The following PCDHA2 variants were observed in gnomAD, a reference collection of about 807,000 sequenced individuals.
PCDHA2 encodes the protein protocadherin alpha 2.
PCDHA2 carries 58 observed loss-of-function variants against 66.0 expected under a neutral mutation model. The ratio of observed to expected loss-of-function variants is 0.88; its 90% CI spans 0.71 to 1.09. The LOEUF (loss-of-function observed/expected upper bound fraction) is 1.09, where lower values mean the gene tolerates loss of function less well. Among genes scored for constraint, PCDHA2 ranks in the 50% least tolerant of loss-of-function variants. The pLI is 0.00. For synonymous variants in PCDHA2, 634 were observed against 554.0 expected (o/e 1.14, Z -2.03); for missense variants, 1,267 against 1,242.3 (o/e 1.02, Z -0.30).
In PCDHA2 at chr5:140,858,149, G is replaced by A. The variant is rs782725386; in HGVS notation, c.2388+60797G>A. The A allele has an allele frequency of 1.5e-5, 24 of 1,597,456 alleles. 4 individuals carry two copies. The highest frequency in any genetic ancestry group is 1.3e-4 in the African/African-American group (10 of 74,378). ...GGATGTCAACGTGTACCTGATCATC[G>A]CCATCTGCGCGGTGTCCAGCTTGCT... On this transcript the variant is annotated intron_variant, in intron 1 of 3. Transcript: ENST00000526136.
intron 1 of PCDHA2, among the ~76,000 whole-genome samples, chr5:140,896,683 C>T (rs2153454060): frequency 6.6e-6 from 1 of 152,068 alleles, no homozygotes; most frequent in South Asian, 2.1e-4. Context: ...GGCCCTTTGC[C>T]CATTTTTTGA....
chr5:140,817,766 AT>A (rs2150099006), intron 1 of PCDHA2, among the ~76,000 whole-genome samples: 8 of 152,166 alleles, frequency 5.3e-5, no homozygotes, highest in Non-Finnish European at 1.2e-4. Context: ...AGAAATTAAC[AT>A]TTCCTTTAGT....
chr5:140,849,915 A>G (rs1554143492), intron 1 of PCDHA2: 3 of 1,598,260 alleles, frequency 1.9e-6, no homozygotes, highest in Non-Finnish European at 2.6e-6. Flanking sequence ...GGGCTGCCAC[A>G]TCTTCACGGT....
At chr5:140,808,001 G>A (rs1361329408) in intron 1 of PCDHA2, 5 of 1,613,604 alleles carry the variant, frequency 3.1e-6, no homozygotes, top group Non-Finnish European at 3.4e-6. Context: ...TTTAGACGAA[G>A]GATTGAATGG....
chr5:140,896,980 C>A (rs2065827913), intron 1 of PCDHA2, among the ~76,000 whole-genome samples: 1 of 152,032 alleles, frequency 6.6e-6, no homozygotes, highest in South Asian at 2.1e-4. Context: ...ACAAACAAAC[C>A]AGTTATGCTC....
At chr5:140,867,981 A>G (rs1451119630) in intron 1 of PCDHA2, 5 of 152,162 alleles carry the variant, frequency 3.3e-5, no homozygotes, top group African/African-American at 4.8e-5. Context: ...CAAGAAACAA[A>G]CTATTTTCAT....
At chr5:140,857,987 C>A (rs1562532129) in intron 1 of PCDHA2, 2 of 1,596,876 alleles carry the variant, frequency 1.3e-6, no homozygotes, top group East Asian at 4.5e-5. Context: ...CCAGCGCCTA[C>A]TGGTGCTGGT....
chr5:140,834,456 G>A (rs2150218651), intron 1 of PCDHA2: 5 of 1,614,148 alleles, frequency 3.1e-6, no homozygotes, highest in Non-Finnish European at 4.2e-6. Context: ...AGCAGCTTGG[G>A]AGGCAGGGAG....
At chr5:140,950,080 C>G (rs528804395) in intron 1 of PCDHA2, among the ~76,000 whole-genome samples, 2 of 151,836 alleles carry the variant, frequency 1.3e-5, no homozygotes, top group Admixed American at 1.3e-4. Context: ...ATTGCTTATG[C>G]TATAGTTTTC....
At chr5:140,834,395 G>A in intron 1 of PCDHA2, 1 of 1,598,712 alleles carries the variant, frequency 6.3e-7, no homozygotes, top group Non-Finnish European at 8.5e-7. Context: ...TGGTGTGCCC[G>A]AATGGATACG....
intron 1 of PCDHA2, chr5:140,848,738 T>G (rs2150419097): frequency 6.3e-7 from 1 of 1,592,918 alleles, no homozygotes; most frequent in South Asian, 1.1e-5. Context: ...ATCTGCAGAA[T>G]GGCATTTTGT....
chr5:140,905,130 GT>G (rs1448449678), intron 1 of PCDHA2, among the ~76,000 whole-genome samples: 11 of 152,178 alleles, frequency 7.2e-5, no homozygotes, highest in African/African-American at 2.7e-4. Flanking sequence ...GTCTAGAAGA[GT>G]TTTTCTGCTG....
At chr5:140,807,331 C>T in intron 1 of PCDHA2, 3 of 1,613,662 alleles carry the variant, frequency 1.9e-6, no homozygotes, top group South Asian at 2.2e-5. Flanking sequence ...TGGGCCGCAT[C>T]GCGCAGGACC....
Position 140,796,268 on chromosome 5 carries a change from T to G in PCDHA2, c.1304T>G (p.Leu435Arg). The G allele has an allele frequency of 2.5e-6, 4 of 1,614,122 alleles. No homozygotes were observed. Among genetic ancestry groups the G allele is most frequent in the Non-Finnish European group, 3.4e-6 (4 of 1,180,052 alleles). Reference sequence around the variant, plus strand: ...GCACGGGACGGGGGCTCGCCTTCACTGTGGGCCACCACCAGCGTGTCCATC... The same window carrying G: ...GCACGGGACGGGGGCTCGCCTTCACGGTGGGCCACCACCAGCGTGTCCATC... Reference protein sequence around the residue: ...VTARDGGSPSLWATTSVSIEV... With the variant: ...VTARDGGSPSRWATTSVSIEV... Residue 435 changes from leucine to arginine, a missense_variant, in exon 1 of 4, where the codon CTG (leucine) becomes CGG (arginine). Coordinates refer to ENST00000526136, the MANE Select transcript of PCDHA2 (RefSeq NM_018905.3).
intron 2 of PCDHA2, among the ~76,000 whole-genome samples, chr5:140,982,016 A>C (rs2096962660): frequency 6.6e-6 from 1 of 152,260 alleles, no homozygotes; most frequent in African/African-American, 2.4e-5. Context: ...TTAGATAGCC[A>C]AATTGGAACA....
intron 1 of PCDHA2, among the ~76,000 whole-genome samples, chr5:140,799,821 G>A (rs1202893020): frequency 6.6e-6 from 1 of 152,006 alleles, no homozygotes; most frequent in Non-Finnish European, 1.5e-5. Context: ...TAAATGGTCT[G>A]GGTATAAGCA....
chr5:140,959,078 A>C (rs1489301308), intron 1 of PCDHA2, among the ~76,000 whole-genome samples: 1 of 152,128 alleles, frequency 6.6e-6, no homozygotes, highest in Non-Finnish European at 1.5e-5. Flanking sequence ...ATTCAGTATT[A>C]TCCTTGGTTT....
intron 1 of PCDHA2, among the ~76,000 whole-genome samples, chr5:140,885,442 T>A (rs2060596310): frequency 6.6e-6 from 1 of 152,180 alleles, no homozygotes; most frequent in African/African-American, 2.4e-5. Flanking sequence ...TGTGCAATTA[T>A]ATATTATTTA....
intron 1 of PCDHA2, chr5:140,802,543 A>G (rs782666755): frequency 8.7e-6 from 14 of 1,614,044 alleles, no homozygotes; most frequent in Non-Finnish European, 1.1e-5. Context: ...GCCGACGTGA[A>G]CGACAATGCG....
Sources: allele counts gnomAD v4.1 joint callset (sites outside exome capture counted in the v4.1 genomes callset), GRCh38; gene constraint gnomAD v4.1.1; transcripts MANE v1.5; gene names NCBI Gene and HGNC (gene_info 2026-07-23, HGNC 2026-07-21).